Variants in PURG observed in about 807,000 individuals in gnomAD.
PURG encodes the protein purine rich element binding protein G.
A neutral mutation model predicts 24.3 loss-of-function variants in PURG; 3 were observed. That is an observed-to-expected ratio of 0.12 (90% CI 0.06 to 0.32). PURG has a LOEUF of 0.32. PURG is among the 10% of genes least tolerant of loss of function. The pLI, the probability that PURG is intolerant of heterozygous loss-of-function variation, is 1.00. For synonymous variants in PURG, 180 were observed against 173.1 expected (o/e 1.04, Z -0.31); for missense variants, 371 against 439.1 (o/e 0.84, Z 1.39).
chr8:31,019,046 C>A (rs1810927552), intron 1 of PURG, among the ~76,000 whole-genome samples: 1 of 131,092 alleles, frequency 7.6e-6, no homozygotes, highest in Non-Finnish European at 1.6e-5. Context: ...ATGGCATGAA[C>A]CCGGGAGGCG....
intron 1 of PURG, among the ~76,000 whole-genome samples, chr8:31,010,033 G>A (rs1349471954): frequency 2.6e-5 from 4 of 151,982 alleles, no homozygotes; most frequent in Non-Finnish European, 5.9e-5. Flanking sequence ...AGAAGTCAAG[G>A]CTGCAGTGAG....
At chr8:31,021,996 C>T (rs1811003986) in intron 1 of PURG, among the ~76,000 whole-genome samples, 1 of 140,522 alleles carries the variant, frequency 7.1e-6, no homozygotes, top group African/African-American at 2.7e-5. Flanking sequence ...TTTGAGATGG[C>T]GTCTCACTCC....
At chr8:31,006,306 A>C (rs1810649568) in intron 1 of PURG, among the ~76,000 whole-genome samples, 1 of 152,192 alleles carries the variant, frequency 6.6e-6, no homozygotes, top group African/African-American at 2.4e-5. Context: ...TAAAACTGTC[A>C]TCAGAAGGCT....
intron 1 of PURG, among the ~76,000 whole-genome samples, chr8:30,999,192 G>A (rs950341978): frequency 5.9e-5 from 9 of 151,744 alleles, no homozygotes; most frequent in African/African-American, 2.2e-4. Flanking sequence ...GTACTTAGTT[G>A]TCTTGGCAGC....
At chr8:31,010,183 A>T (rs1254629373) in intron 1 of PURG, among the ~76,000 whole-genome samples, 2 of 152,260 alleles carry the variant, frequency 1.3e-5, no homozygotes, top group Non-Finnish European at 2.9e-5. Context: ...TTATTATGCA[A>T]ATGTAGTTTT....
At chr8:31,020,718 G>A (rs1222413806) in intron 1 of PURG, among the ~76,000 whole-genome samples, 1 of 152,194 alleles carries the variant, frequency 6.6e-6, no homozygotes, top group Non-Finnish European at 1.5e-5. Flanking sequence ...AGAAGAAGGA[G>A]TAGCTCTCAG....
chr8:31,023,592 C>A (rs1811039979), intron 1 of PURG, among the ~76,000 whole-genome samples: 1 of 151,622 alleles, frequency 6.6e-6, no homozygotes, highest in South Asian at 2.1e-4. Flanking sequence ...ATAAATGCTT[C>A]TAAGACAAAA....
At chr8:31,011,374 C>T (rs183256013) in intron 1 of PURG, among the ~76,000 whole-genome samples, 31 of 152,076 alleles carry the variant, frequency 2.0e-4, no homozygotes, top group African/African-American at 6.5e-4. Flanking sequence ...CACAATGGCA[C>T]ATGAAATGAA....
rs1288423148 is a variant in PURG, at chr8:31,032,704, T to C, written c.79A>G (p.Lys27Glu). The change falls in exon 2 of 2, where the codon AAG (lysine) becomes GAG (glutamate). Residue 27 changes from lysine to glutamate, a missense_variant. By Grantham distance (56) the Lys-to-Glu change is moderately conservative. Around this residue, in one of 5 missense-constraint regions of PURG, gnomAD observed 213 missense variants for 230.6 expected, o/e 0.92. Transcript: ENST00000523392. This position sits in a 1 kb window ranked among gnomAD's most constrained non-coding sequence, Gnocchi z 5.9. ...GKNVGGSGLS[K>E]SRLYPQAQHS... ...TGGGCCTGGGGATAGAGTCTACTCT[T>C]GCTTAGGCCAGAGCCCCCTACATTC... 2 of 1,508,804 alleles carry C rather than the reference T, an allele frequency of 1.3e-6. No homozygotes were observed. Among genetic ancestry groups the C allele is most frequent in the South Asian group, 2.7e-5 (2 of 74,180 alleles). The allele number at this position is 1,508,804 out of a possible 1,614,324, so 93.5% of individuals were successfully genotyped here.
Position 31,032,119 on chromosome 8 carries a change from T to C in PURG, c.664A>G (p.Ile222Val), listed in dbSNP as rs750824000. 8 of 1,614,152 alleles carry C rather than the reference T, an allele frequency of 5.0e-6. No homozygotes were observed. The highest frequency in any genetic ancestry group is 1.6e-4 in the Middle Eastern group (1 of 6,062). Residue 222 changes from isoleucine (I) to valine (V), a missense_variant, in exon 2 of 2, where the codon ATT becomes GTT. By Grantham distance (29) the Ile-to-Val change is conservative. This residue lies in a region of PURG where 41 missense variants were observed against 29.8 expected (regional missense o/e 1.38). Transcript: ENST00000523392. This position sits in a 1 kb window ranked among gnomAD's most constrained non-coding sequence, Gnocchi z 5.9. Reference protein sequence around the residue: ...FGHSLGQEQTIVLPAQGMIEF... With the variant: ...FGHSLGQEQTVVLPAQGMIEF... ...ATCATTCCTTGTGCTGGGAGGACAA[T>C]AGTCTGTTCTTGGCCCAAACTGTGG...
chr8:31,017,898 T>A (rs1038352015), intron 1 of PURG, among the ~76,000 whole-genome samples: 3 of 152,164 alleles, frequency 2.0e-5, no homozygotes, highest in Admixed American at 6.6e-5. Flanking sequence ...AAAGAAAAAA[T>A]TTGATAATAT....
At chr8:31,012,494 C>G (rs578004338) in intron 1 of PURG, among the ~76,000 whole-genome samples, 1 of 152,062 alleles carries the variant, frequency 6.6e-6, no homozygotes, top group Non-Finnish European at 1.5e-5. Flanking sequence ...TAAATATGAA[C>G]CATGCCAAGA....
At chr8:31,015,862 T>C (rs554681112) in intron 1 of PURG, among the ~76,000 whole-genome samples, 7 of 151,682 alleles carry the variant, frequency 4.6e-5, no homozygotes, top group African/African-American at 1.7e-4. Context: ...ACCAGCTGGG[T>C]CAACATAAAG....
At chr8:31,012,503 G>A (rs1446027836) in intron 1 of PURG, among the ~76,000 whole-genome samples, 1 of 152,200 alleles carries the variant, frequency 6.6e-6, no homozygotes, top group Non-Finnish European at 1.5e-5. Context: ...ACCATGCCAA[G>A]AAGGAAAGGA....
intron 1 of PURG, among the ~76,000 whole-genome samples, chr8:31,017,133 T>C (rs150258516): frequency 2.0e-5 from 3 of 152,292 alleles, no homozygotes; most frequent in African/African-American, 7.2e-5. Context: ...AACTTTTATG[T>C]CTCTAAAGCA....
rs576931873 is a variant in PURG at position 31,018,805 on chromosome 8, T to G, written c.864+13114A>C. Among the ~76,000 whole-genome samples, 6 of 152,156 alleles carry G rather than the reference T, an allele frequency of 3.9e-5. No homozygotes were observed. The East Asian group carries it at 1.2e-3, about 29-fold the overall frequency. ...AATTTAATACTTCAATACAATGTAA[T>G]CCACTAGAATGACAGCATTAAGGTT... On this transcript the variant is annotated intron_variant, in intron 1 of 1. Transcript: ENST00000339382.
In PURG at chr8:31,032,603, C is replaced by T. The variant is rs1811253111; in HGVS notation, c.180G>A (p.Leu60=). The part of the protein sequence containing the change: ...QAGGAAEIQE[L]ASKRVDIQKK... ...TCTGGATGTCCACTCGTTTGGAGGC[C>T]AGCTCCTGGATTTCGGCTGCGCCCC... Residue 60 remains leucine, a synonymous_variant, in exon 2 of 2, where the codon CTG becomes CTA. Transcript: ENST00000523392. This position sits in a 1 kb window ranked among gnomAD's most constrained non-coding sequence, Gnocchi z 5.9. 6.2e-7 allele frequency: 1 copy of T among 1,608,942 alleles called. No homozygotes were observed. The highest frequency in any genetic ancestry group is 8.5e-7 in the Non-Finnish European group (1 of 1,176,582).
chr8:31,023,526 T>G (rs932273421), intron 1 of PURG, among the ~76,000 whole-genome samples: 1 of 149,670 alleles, frequency 6.7e-6, no homozygotes, highest in African/African-American at 2.5e-5. Flanking sequence ...GCCTGGGCGA[T>G]AGAGTGAGAC....
intron 1 of PURG, among the ~76,000 whole-genome samples, chr8:31,002,461 T>C (rs1170242875): frequency 6.6e-6 from 1 of 152,212 alleles, no homozygotes; most frequent in African/African-American, 2.4e-5. Flanking sequence ...TCTTTTGCAA[T>C]GATACCATGT....
Sources: gnomAD v4.1 joint callset for allele counts (sites outside exome capture counted in the v4.1 genomes callset) on GRCh38, gnomAD v4.1.1 for gene constraint, gnomAD v4.1.1 regional missense constraint, Gnocchi (gnomAD v3.1) non-coding constraint, MANE v1.5 for transcripts, NCBI Gene and HGNC (gene_info 2026-07-23, HGNC 2026-07-21) for gene names.